The following RNGTT variants were observed in gnomAD, a reference collection of about 807,000 sequenced individuals.
RNGTT encodes the protein mRNA-capping enzyme.
A neutral mutation model predicts 79.3 loss-of-function variants in RNGTT; 33 were observed. The observed-to-expected ratio is 0.42, with a 90% CI of 0.32 to 0.56. RNGTT has a LOEUF of 0.56. Ranked by LOEUF, RNGTT falls within the 20% of genes least tolerant of loss-of-function variation. RNGTT has a pLI of 0.17. For synonymous variants in RNGTT, 222 were observed against 235.9 expected (o/e 0.94, Z 0.54); for missense variants, 497 against 739.1 (o/e 0.67, Z 3.80).
At chr6:88,911,523 T>A (rs1006731627) in intron 4 of RNGTT, among the ~76,000 whole-genome samples, 20 of 152,286 alleles carry the variant, frequency 1.3e-4, no homozygotes, top group Admixed American at 8.5e-4. Flanking sequence ...TCAATAAATT[T>A]TTTTTTAATC....
intron 14 of RNGTT, among the ~76,000 whole-genome samples, chr6:88,636,788 C>T (rs1303955365): frequency 6.6e-6 from 1 of 151,462 alleles, no homozygotes; most frequent in East Asian, 1.9e-4. Flanking sequence ...TACCACACTG[C>T]TTCCCTTTTG....
chr6:88,692,459 A>G (rs1775517041), intron 13 of RNGTT, among the ~76,000 whole-genome samples: 1 of 152,182 alleles, frequency 6.6e-6, no homozygotes, highest in African/African-American at 2.4e-5. Flanking sequence ...TCAGCAAAAA[A>G]AAAAAGGGCT....
intron 11 of RNGTT, among the ~76,000 whole-genome samples, chr6:88,838,965 C>A (rs571405246): frequency 7.9e-5 from 12 of 151,728 alleles, no homozygotes; most frequent in African/African-American, 2.9e-4. Context: ...ACATACACAA[C>A]AAACTTCATT....
At chr6:88,657,054 AAC>A (rs1195793679) in intron 14 of RNGTT, among the ~76,000 whole-genome samples, 1 of 152,180 alleles carries the variant, frequency 6.6e-6, no homozygotes, top group Non-Finnish European at 1.5e-5. Flanking sequence ...GGATGAACAG[AAC>A]AGTGTGTGAA....
At chr6:88,769,134 C>G (rs1206860300) in intron 13 of RNGTT, among the ~76,000 whole-genome samples, 2 of 151,824 alleles carry the variant, frequency 1.3e-5, no homozygotes, top group Non-Finnish European at 2.9e-5. Flanking sequence ...TTTCACTTTA[C>G]AATTTAACAA....
At chr6:88,695,144 A>G (rs1775617778) in intron 13 of RNGTT, among the ~76,000 whole-genome samples, 1 of 152,192 alleles carries the variant, frequency 6.6e-6, no homozygotes, top group Non-Finnish European at 1.5e-5. Context: ...AGTTCAGGCA[A>G]CAAAAGCAAA....
At chr6:88,697,339 C>T (rs546078213) in intron 13 of RNGTT, among the ~76,000 whole-genome samples, 1 of 151,680 alleles carries the variant, frequency 6.6e-6, no homozygotes, top group East Asian at 1.9e-4. Context: ...ATCACGAGGT[C>T]AGGAGATCAA....
chr6:88,765,568 T>C (rs2127839361), intron 13 of RNGTT, among the ~76,000 whole-genome samples: 1 of 152,318 alleles, frequency 6.6e-6, no homozygotes, highest in South Asian at 2.1e-4. Context: ...AATTAAATAT[T>C]GAGTATACAT....
At chr6:88,745,434 C>A (rs1316868160) in intron 13 of RNGTT, among the ~76,000 whole-genome samples, 4 of 152,056 alleles carry the variant, frequency 2.6e-5, no homozygotes, top group Non-Finnish European at 4.4e-5. Context: ...CAAGTTATTA[C>A]AACAAAAGGA....
intron 13 of RNGTT, among the ~76,000 whole-genome samples, chr6:88,690,896 G>C (rs1775454348): frequency 6.6e-6 from 1 of 151,974 alleles, no homozygotes; most frequent in African/African-American, 2.4e-5. Flanking sequence ...CATTATGTTT[G>C]ACTATTACTG....
chr6:88,868,161 A>AC (rs111682588), intron 8 of RNGTT, among the ~76,000 whole-genome samples: 17 of 151,972 alleles, frequency 1.1e-4, no homozygotes, highest in African/African-American at 4.1e-4. Context: ...AAAAAAAAAA[A>AC]CAGCTCTTTT....
intron 13 of RNGTT, among the ~76,000 whole-genome samples, chr6:88,751,221 G>A (rs1230720328): frequency 1.3e-5 from 2 of 151,966 alleles, no homozygotes; most frequent in African/African-American, 2.4e-5. Flanking sequence ...ATGAATTCAC[G>A]TAATTTACAG....
At chr6:88,729,181 AACTT>A (rs1191930923) in intron 13 of RNGTT, among the ~76,000 whole-genome samples, 1 of 152,212 alleles carries the variant, frequency 6.6e-6, no homozygotes, top group African/African-American at 2.4e-5. Context: ...ACAGGCAGGA[AACTT>A]AGAGTTCCTT....
chr6:88,935,877 C>T (rs2127956516), intron 2 of RNGTT, among the ~76,000 whole-genome samples: 1 of 152,266 alleles, frequency 6.6e-6, no homozygotes, highest in East Asian at 1.9e-4. Flanking sequence ...AGTTCAGTAT[C>T]AGCATACAGA....
chr6:88,870,114 T>C (rs1204576427), intron 8 of RNGTT, among the ~76,000 whole-genome samples: 1 of 152,096 alleles, frequency 6.6e-6, no homozygotes, highest in East Asian at 1.9e-4. Flanking sequence ...AAAGCCAGAG[T>C]GATACTATAC....
intron 13 of RNGTT, among the ~76,000 whole-genome samples, chr6:88,697,127 T>G (rs2127798741): frequency 6.6e-6 from 1 of 152,308 alleles, no homozygotes; most frequent in East Asian, 1.9e-4. Flanking sequence ...TACAAAATGC[T>G]GACAGAAACA....
At chr6:88,734,992 T>C (rs1273848510) in intron 13 of RNGTT, among the ~76,000 whole-genome samples, 2 of 152,144 alleles carry the variant, frequency 1.3e-5, no homozygotes, top group East Asian at 1.9e-4. Context: ...ACAATAAGTA[T>C]ATTGGGAAGT....
In RNGTT at chr6:88,739,725, TTA is replaced by T. The variant is rs367967175; in HGVS notation, c.1439+30047_1439+30048del. On this transcript the variant is annotated intron_variant, in intron 13 of 15. Coordinates refer to ENST00000369485, the MANE Select transcript of RNGTT (RefSeq NM_003800.5). ...TCCCGTGTAACTGGTGTGAAAAAAA[TTA>T]TATATATATATATATATATATATAT... Among the ~76,000 whole-genome samples the T allele has an allele frequency of 9.2e-3, 858 of 93,070 alleles. 2 individuals are homozygous for T. Among genetic ancestry groups the T allele is most frequent in the African/African-American group, 0.01 (224 of 21,466 alleles). The allele number at this position is 93,070 out of a possible 152,430, so 61.1% of individuals were successfully genotyped here.
intron 8 of RNGTT, among the ~76,000 whole-genome samples, chr6:88,871,358 T>G (rs1479667135): frequency 6.6e-6 from 1 of 152,104 alleles, no homozygotes; most frequent in African/African-American, 2.4e-5. Context: ...GCAGAGTTTT[T>G]TTTTTTTTAA....
Sources: gnomAD v4.1 joint callset for allele counts (sites outside exome capture counted in the v4.1 genomes callset) on GRCh38, gnomAD v4.1.1 for gene constraint, MANE v1.5 for transcripts, NCBI Gene and HGNC (gene_info 2026-07-23, HGNC 2026-07-21) for gene names.